BMPR1B: variants seen among roughly 807,000 people sequenced by gnomAD.
BMPR1B encodes bone morphogenetic protein receptor type 1B.
A neutral mutation model predicts 59.1 loss-of-function variants in BMPR1B; 12 were observed. That is an observed-to-expected ratio of 0.20 (90% CI 0.13 to 0.33). BMPR1B has a LOEUF of 0.33. Among genes scored for constraint, BMPR1B ranks in the 10% least tolerant of loss-of-function variants. BMPR1B has a pLI of 1.00. For synonymous variants in BMPR1B, 237 were observed against 207.3 expected (o/e 1.14, Z -1.23); for missense variants, 550 against 610.9 (o/e 0.90, Z 1.05).
At chr4:94,842,309 A>C (rs1301260211) in intron 1 of BMPR1B, among the ~76,000 whole-genome samples, 1 of 152,200 alleles carries the variant, frequency 6.6e-6, no homozygotes, top group Non-Finnish European at 1.5e-5. Flanking sequence ...CAAGTCTTAA[A>C]AAAATCTTAA....
At chr4:94,976,046 T>C (rs1352586629) in intron 2 of BMPR1B, among the ~76,000 whole-genome samples, 2 of 152,230 alleles carry the variant, frequency 1.3e-5, no homozygotes, top group African/African-American at 4.8e-5. Flanking sequence ...ATCTCCTGCA[T>C]TTTGCAGTCA....
chr4:95,091,682 A>C (rs1730001763), intron 3 of BMPR1B: 2 of 978,654 alleles, frequency 2.0e-6, no homozygotes, highest in Admixed American at 6.2e-5. Flanking sequence ...TTTTCCCTCC[A>C]AAAAATGTAA....
intron 3 of BMPR1B, among the ~76,000 whole-genome samples, chr4:94,998,851 G>T (rs530359774): frequency 1.0e-3 from 154 of 152,004 alleles, no homozygotes; most frequent in African/African-American, 3.6e-3. Context: ...GTTCCTTTTG[G>T]GCTGTTGTCT....
intron 3 of BMPR1B, among the ~76,000 whole-genome samples, chr4:95,061,204 CA>C (rs1377978268): frequency 1.3e-3 from 158 of 121,694 alleles, no homozygotes; most frequent in African/African-American, 4.4e-3. Context: ...CACACACACA[CA>C]CACACCACAC....
At chr4:94,977,951 C>T (rs1212575874) in intron 2 of BMPR1B, among the ~76,000 whole-genome samples, 1 of 152,176 alleles carries the variant, frequency 6.6e-6, no homozygotes, top group African/African-American at 2.4e-5. Context: ...CTATTTTCAA[C>T]ATCACTATGG....
intron 3 of BMPR1B, among the ~76,000 whole-genome samples, chr4:95,062,594 C>G (rs1422381558): frequency 2.0e-5 from 3 of 152,124 alleles, no homozygotes; most frequent in African/African-American, 7.2e-5. Context: ...CCCTAACTAG[C>G]TATGACTGCA....
intron 3 of BMPR1B, among the ~76,000 whole-genome samples, chr4:95,027,050 C>CCACTA (rs1724478147): frequency 6.6e-6 from 1 of 151,968 alleles, no homozygotes; most frequent in South Asian, 2.1e-4. Flanking sequence ...AAGGTGTGAG[C>CCACTA]CACTATGCTC....
intron 3 of BMPR1B, among the ~76,000 whole-genome samples, chr4:95,091,005 A>C (rs928127892): frequency 1.1e-4 from 16 of 152,068 alleles, no homozygotes; most frequent in African/African-American, 3.9e-4. Flanking sequence ...AAGATTTCTA[A>C]ATGTTTGTGT....
chr4:94,999,140 T>G (rs534803817), intron 3 of BMPR1B, among the ~76,000 whole-genome samples: 44 of 152,306 alleles, frequency 2.9e-4, no homozygotes, highest in African/African-American at 1.0e-3. Flanking sequence ...GTTTTATGTT[T>G]TTGTTTCTGC....
intron 2 of BMPR1B, among the ~76,000 whole-genome samples, chr4:94,979,298 T>C (rs1180035283): frequency 2.0e-5 from 3 of 152,204 alleles, no homozygotes; most frequent in Non-Finnish European, 4.4e-5. Flanking sequence ...ACTCCAAAGT[T>C]AATAGACTGT....
chr4:94,971,461 A>G (rs536630654), intron 2 of BMPR1B, among the ~76,000 whole-genome samples: 2 of 152,284 alleles, frequency 1.3e-5, no homozygotes, highest in East Asian at 3.9e-4. Flanking sequence ...ATATTACAAT[A>G]AAAGTGTGAT....
intron 1 of BMPR1B, among the ~76,000 whole-genome samples, chr4:94,777,957 C>T (rs754522674): frequency 1.3e-5 from 2 of 151,386 alleles, no homozygotes; most frequent in Non-Finnish European, 2.9e-5. Flanking sequence ...ACCTGGGAGG[C>T]GGAGGTTGCA....
intron 1 of BMPR1B, among the ~76,000 whole-genome samples, chr4:94,788,103 T>A (rs1457904985): frequency 1.3e-5 from 2 of 152,126 alleles, no homozygotes; most frequent in Non-Finnish European, 2.9e-5. Context: ...CACTTGTAGA[T>A]TTTGTGCTTC....
chr4:95,062,218 C>A (rs1272398546), intron 3 of BMPR1B, among the ~76,000 whole-genome samples: 1 of 152,092 alleles, frequency 6.6e-6, no homozygotes, highest in African/African-American at 2.4e-5. Context: ...GGTTACAAAA[C>A]ATTCCCTACC....
intron 1 of BMPR1B, among the ~76,000 whole-genome samples, chr4:94,824,743 G>A (rs1188219175): frequency 1.3e-5 from 2 of 151,996 alleles, no homozygotes; most frequent in African/African-American, 4.8e-5. Flanking sequence ...GGGAAAAATG[G>A]GGAAAATTTG....
intron 2 of BMPR1B, among the ~76,000 whole-genome samples, chr4:94,933,310 T>C (rs1471889605): frequency 6.6e-6 from 1 of 152,102 alleles, no homozygotes; most frequent in Non-Finnish European, 1.5e-5. Flanking sequence ...TTTTCCTTAT[T>C]GTTGTACATT....
chr4:94,837,101 C>G (rs1052360549), intron 1 of BMPR1B, among the ~76,000 whole-genome samples: 27 of 145,054 alleles, frequency 1.9e-4, no homozygotes, highest in African/African-American at 5.7e-4. Context: ...GGGCTCTGTT[C>G]TGTTCCATTG....
At chr4:95,032,984 C>T (rs564881324) in intron 3 of BMPR1B, among the ~76,000 whole-genome samples, 8 of 152,082 alleles carry the variant, frequency 5.3e-5, no homozygotes, top group Non-Finnish European at 1.2e-4. Flanking sequence ...CTTACCAACA[C>T]TTGTTATTTT....
At chr4:94,988,985 G>T (rs1324215631) in intron 2 of BMPR1B, among the ~76,000 whole-genome samples, 1 of 152,060 alleles carries the variant, frequency 6.6e-6, no homozygotes, top group Non-Finnish European at 1.5e-5. Flanking sequence ...GGTGAAAAAT[G>T]AGGACTAGCT....
Sources: allele counts gnomAD v4.1 joint callset (sites outside exome capture counted in the v4.1 genomes callset), GRCh38; gene constraint gnomAD v4.1.1; transcripts MANE v1.5; gene names NCBI Gene and HGNC (gene_info 2026-07-23, HGNC 2026-07-21).